The following C11orf65 variants were observed in gnomAD, a reference collection of about 807,000 sequenced individuals.
C11orf65 encodes chromosome 11 open reading frame 65, also known as protein MFI.
C11orf65 carries 38 observed loss-of-function variants against 35.3 expected under a neutral mutation model. That is an observed-to-expected ratio of 1.08 (90% CI 0.83 to 1.41). The LOEUF (loss-of-function observed/expected upper bound fraction) is 1.41, where lower values mean the gene tolerates loss of function less well. Among genes scored for constraint, C11orf65 ranks in the 40% most tolerant of loss-of-function variants. The pLI, the probability that C11orf65 is intolerant of heterozygous loss-of-function variation, is 0.00. For missense variants in C11orf65, 370 were observed against 367.1 expected (o/e 1.01, Z -0.06); for synonymous variants, 105 against 114.4 (o/e 0.92, Z 0.53).
At chr11:108,328,350 G>A (rs1417654370), downstream of C11orf65, among the ~76,000 whole-genome samples, 1 of 152,142 alleles carries the variant, frequency 6.6e-6, no homozygotes, top group East Asian at 1.9e-4. Flanking sequence ...GGGTTCAAGC[G>A]ATTCTCCTGC....
At chr11:108,405,369 CA>C in intron 6 of C11orf65, 59 bp downstream of exon 6, 1 of 1,569,762 alleles carries the variant, frequency 6.4e-7, no homozygotes, top group South Asian at 1.2e-5. Flanking sequence ...TACCTCATTT[CA>C]AATTTGTTTT....
intron 1 of C11orf65, among the ~76,000 whole-genome samples, chr11:108,465,433 A>G (rs542196957): frequency 2.6e-5 from 4 of 152,378 alleles, no homozygotes; most frequent in South Asian, 2.1e-4. Flanking sequence ...AATTTCAAGA[A>G]AGAACATATT....
intron 2 of C11orf65, among the ~76,000 whole-genome samples, chr11:108,360,645 T>G (rs2090615724): frequency 6.7e-6 from 1 of 149,674 alleles, no homozygotes; most frequent in South Asian, 2.2e-4. Context: ...GTTCAATATA[T>G]GCAAATCAAT....
At chr11:108,321,194 TC>T in intron 6 of C11orf65, 1 of 1,419,784 alleles carries the variant, frequency 7.0e-7, no homozygotes, top group South Asian at 1.2e-5. Context: ...TATTATTAGA[TC>T]AGTAGCAAAG....
intron 6 of C11orf65, among the ~76,000 whole-genome samples, chr11:108,395,833 G>A (rs754336903): frequency 2.0e-5 from 3 of 150,456 alleles, no homozygotes; most frequent in African/African-American, 7.4e-5. Context: ...GTGTGAGCCC[G>A]GATGGTCTCG....
chr11:108,346,043 C>A, intron 2 of C11orf65: 1 of 922,796 alleles, frequency 1.1e-6, no homozygotes. Context: ...ACCAACCCAT[C>A]TTCATTATTA....
At chr11:108,469,075 G>T (rs1001976318), upstream of C11orf65, among the ~76,000 whole-genome samples, 6 of 151,624 alleles carry the variant, frequency 4.0e-5, no homozygotes, top group Admixed American at 6.6e-5. Flanking sequence ...CAATCTCCTG[G>T]TGGCGCGCTG....
chr11:108,331,398 T>C, downstream of C11orf65: 1 of 1,594,558 alleles, frequency 6.3e-7, no homozygotes, highest in Non-Finnish European at 8.5e-7. Flanking sequence ...GTGAGAATAT[T>C]TGAAATACCT....
chr11:108,447,882 T>C (rs2093287170), intron 2 of C11orf65, among the ~76,000 whole-genome samples: 2 of 151,966 alleles, frequency 1.3e-5, no homozygotes, highest in South Asian at 2.1e-4. Flanking sequence ...ATTGATAGAC[T>C]GCTAGCAAGA....
intron 6 of C11orf65, among the ~76,000 whole-genome samples, chr11:108,400,522 G>C (rs752066694): frequency 3.3e-5 from 5 of 152,102 alleles, no homozygotes; most frequent in African/African-American, 1.2e-4. Flanking sequence ...AAAAACACAC[G>C]GTTCTTTCTG....
Position 108,393,193 on chromosome 11 carries a change from G to A in C11orf65, c.731+15C>T, listed in dbSNP as rs762976887. The A allele has an allele frequency of 6.2e-7, 1 of 1,602,788 alleles. No homozygotes were observed. The highest frequency in any genetic ancestry group is 8.5e-7 in the Non-Finnish European group (1 of 1,172,468). On this transcript the variant is annotated intron_variant, in intron 7 of 8. Transcript: ENST00000393084. ...TGACTGCCCTTGTTCCCCAAGAATA[G>A]CAACATGTACTTACTCATCAAAGTT... is the stretch of plus-strand genomic sequence containing the variant.
intron 3 of C11orf65, among the ~76,000 whole-genome samples, chr11:108,410,300 A>G (rs1331626284): frequency 6.6e-6 from 1 of 152,192 alleles, no homozygotes; most frequent in Non-Finnish European, 1.5e-5. Flanking sequence ...ATGACTAACC[A>G]TGCTGAGCAC....
intron 3 of C11orf65, chr11:108,332,077 A>G (rs968158978): frequency 2.5e-6 from 4 of 1,606,548 alleles, no homozygotes; most frequent in Non-Finnish European, 8.5e-7. Flanking sequence ...GAAGTGTGAT[A>G]TTCAGTCTTT....
In C11orf65 at chr11:108,321,410, C is replaced by A. The variant is rs1060501682; in HGVS notation, c.641-12339G>T. ...TGGAGAGCTGGAAAGCATTGGGGAGCTTTTCTCAAGGTATGTAATTCGTAT... is the reference window on the plus strand; with the variant it reads ...TGGAGAGCTGGAAAGCATTGGGGAGATTTTCTCAAGGTATGTAATTCGTAT... On this transcript the variant is annotated intron_variant, in intron 6 of 6. Coordinates refer to the C11orf65 transcript ENST00000525729. 5 of 1,614,066 alleles carry A rather than the reference C, an allele frequency of 3.1e-6. No homozygotes were observed. Among genetic ancestry groups the A allele is most frequent in the Non-Finnish European group, 2.5e-6 (3 of 1,179,988 alleles).
At chr11:108,327,706 C>T (rs2085819145), downstream of C11orf65, 1 of 1,613,980 alleles carries the variant, frequency 6.2e-7, no homozygotes, top group Non-Finnish European at 8.5e-7. Context: ...AACTGGTTAG[C>T]AGAAACGTGC....
chr11:108,316,240 G>A (rs2084638476), intron 6 of C11orf65: 6 of 978,518 alleles, frequency 6.1e-6, no homozygotes, highest in Admixed American at 2.0e-5. Context: ...CTGTTTTTCA[G>A]AGGATTAGGC....
At chr11:108,434,838 G>T (rs925513502) in intron 2 of C11orf65, among the ~76,000 whole-genome samples, 1 of 152,176 alleles carries the variant, frequency 6.6e-6, no homozygotes, top group Non-Finnish European at 1.5e-5. Flanking sequence ...ACACAGCATT[G>T]CTCCTGATTA....
In C11orf65 at chr11:108,393,319, T is replaced by C; in HGVS notation, c.620A>G (p.His207Arg). The change falls in exon 7 of 9, where the codon CAC (histidine) becomes CGC (arginine). Residue 207 changes from histidine (H) to arginine (R), a missense_variant. Physicochemically the swap from His to Arg is conservative, Grantham distance 29. Transcript: ENST00000393084. ...STHHETLGLI[H>R]TATKGLIRAF... ...TCTAATCAGCCCCTTTGTTGCAGTG[T>C]GAATTAGTCCTAGAGTTTCATGATG... is the stretch of plus-strand genomic sequence containing the variant. 1 of 1,614,084 alleles carries C rather than the reference T, an allele frequency of 6.2e-7. No individual in the cohort carries two copies. Among genetic ancestry groups the C allele is most frequent in the Non-Finnish European group, 8.5e-7 (1 of 1,179,986 alleles).
At chr11:108,409,220 G>C (rs906378925) in intron 3 of C11orf65, among the ~76,000 whole-genome samples, 8 of 152,028 alleles carry the variant, frequency 5.3e-5, no homozygotes, top group Non-Finnish European at 5.9e-5. Flanking sequence ...TCATATAATA[G>C]AATATATGAC....
Sources: allele counts gnomAD v4.1 joint callset (sites outside exome capture counted in the v4.1 genomes callset), GRCh38; gene constraint gnomAD v4.1.1; transcripts MANE v1.5; gene names NCBI Gene and HGNC (gene_info 2026-07-23, HGNC 2026-07-21).